Variants in LRRC7 observed in about 807,000 individuals in gnomAD.
LRRC7 encodes the protein leucine rich repeat containing 7.
A neutral mutation model predicts 175.7 loss-of-function variants in LRRC7; 23 were observed. The observed-to-expected ratio is 0.13, with a 90% CI of 0.09 to 0.19. The LOEUF (loss-of-function observed/expected upper bound fraction) is 0.19, where lower values mean the gene tolerates loss of function less well. LRRC7 is among the 10% of genes least tolerant of loss of function. The pLI is 1.00. For synonymous variants in LRRC7, 685 were observed against 680.9 expected, an observed-to-expected ratio of 1.01 and a Z score of -0.09; for missense variants, 1,354 against 1,904.7, an observed-to-expected ratio of 0.71 and a Z score of 5.38.
rs1471270919 is a variant in LRRC7 at position 70,133,318 on chromosome 1, T to TTCCTC, written c.*11431_*11432insTCCTC. ...TCACTGCAACCTCCACCTCCTGGGT[T>TTCCTC]CAAACGATTTTCCTGCCTCAGCCTC... On this transcript the variant is annotated 3_prime_UTR_variant, in exon 27 of 27. Coordinates refer to ENST00000651989, the MANE Select transcript of LRRC7 (RefSeq NM_001370785.2). Among the ~76,000 whole-genome samples the TTCCTC allele has an allele frequency of 6.6e-6, 1 of 152,080 alleles. No homozygotes were observed. Among genetic ancestry groups the TTCCTC allele is most frequent in the Non-Finnish European group, 1.5e-5 (1 of 68,014 alleles).
chr1:69,944,631 A>C (rs1354762481), intron 8 of LRRC7, among the ~76,000 whole-genome samples: 2 of 152,086 alleles, frequency 1.3e-5, no homozygotes, highest in Non-Finnish European at 2.9e-5. Context: ...CCAACAGTAC[A>C]TAAGAGTTCC....
chr1:69,820,037 A>G (rs1679092152), intron 4 of LRRC7, among the ~76,000 whole-genome samples: 1 of 152,008 alleles, frequency 6.6e-6, no homozygotes, highest in African/African-American at 2.4e-5. Flanking sequence ...TAAAATAATT[A>G]TTGATAGGTA....
chr1:69,868,922 C>CATATATATATATATATACATATGTACAT (rs141732988), intron 7 of LRRC7, among the ~76,000 whole-genome samples: 1 of 148,544 alleles, frequency 6.7e-6, no homozygotes, highest in African/African-American at 2.5e-5. Flanking sequence ...TACATATGTA[C>CATATATATATATATATACATATGTACAT]ATATATATAT....
At chr1:69,904,319 T>G (rs1168161515) in intron 7 of LRRC7, among the ~76,000 whole-genome samples, 1 of 152,108 alleles carries the variant, frequency 6.6e-6, no homozygotes, top group East Asian at 1.9e-4. Context: ...AGAATACTAA[T>G]TTGAAAAATG....
chr1:69,886,218 A>G (rs1392690105), intron 7 of LRRC7, among the ~76,000 whole-genome samples: 1 of 151,952 alleles, frequency 6.6e-6, no homozygotes, highest in Non-Finnish European at 1.5e-5. Context: ...ACAGTGGGGT[A>G]TTAAAGTCTC....
chr1:69,971,118 G>T (rs1219516275), intron 8 of LRRC7, among the ~76,000 whole-genome samples: 1 of 151,972 alleles, frequency 6.6e-6, no homozygotes, highest in Non-Finnish European at 1.5e-5. Flanking sequence ...AGCATACAAG[G>T]ACATACCTCA....
At chr1:69,574,948 A>G (rs183763923) in intron 1 of LRRC7, among the ~76,000 whole-genome samples, 2 of 152,328 alleles carry the variant, frequency 1.3e-5, no homozygotes, top group Admixed American at 1.3e-4. Flanking sequence ...AGTGTTAAAT[A>G]TTAGCGAAGT....
intron 1 of LRRC7, among the ~76,000 whole-genome samples, chr1:69,643,697 A>G (rs1654575061): frequency 6.6e-6 from 1 of 151,980 alleles, no homozygotes; most frequent in African/African-American, 2.4e-5. Flanking sequence ...TGCTCTCTTT[A>G]CTCATCAGGC....
chr1:69,927,498 T>A (rs1647120694), intron 7 of LRRC7, among the ~76,000 whole-genome samples: 1 of 152,338 alleles, frequency 6.6e-6, no homozygotes, highest in South Asian at 2.1e-4. Flanking sequence ...TTGGAGGCTT[T>A]GTTCATTTCT....
intron 2 of LRRC7, among the ~76,000 whole-genome samples, chr1:69,718,128 A>AGAAAAGAG (rs1553146102): frequency 2.2e-4 from 15 of 67,828 alleles, no homozygotes; most frequent in Non-Finnish European, 2.1e-4. Context: ...AAAGAAAGAA[A>AGAAAAGAG]AGAAAGAAAG....
chr1:69,798,739 C>T lies in LRRC7; in HGVS notation c.421+6579C>T, dbSNP rs571984341. Among the ~76,000 whole-genome samples, 14 of 152,206 alleles carry T rather than the reference C, an allele frequency of 9.2e-5. No individual in the cohort carries two copies. In the East Asian group the frequency reaches 2.3e-3, roughly 25 times the overall value. Reference sequence around the variant, plus strand: ...CTCAGATTTAATGTCTTTAAAATTTCAGTGAAGTGCTACCACATTGTATAT... The same window carrying T: ...CTCAGATTTAATGTCTTTAAAATTTTAGTGAAGTGCTACCACATTGTATAT... On this transcript the variant is annotated intron_variant, in intron 4 of 26. Coordinates refer to ENST00000651989, the MANE Select transcript of LRRC7 (RefSeq NM_001370785.2).
chr1:69,905,247 T>A (rs886587097), intron 7 of LRRC7, among the ~76,000 whole-genome samples: 6 of 132,844 alleles, frequency 4.5e-5, no homozygotes, highest in Admixed American at 1.6e-4. Flanking sequence ...CTGTTGTAAG[T>A]TCTTTTTATT....
intron 23 of LRRC7, among the ~76,000 whole-genome samples, chr1:70,056,038 G>T (rs1661124154): frequency 6.6e-6 from 1 of 152,200 alleles, no homozygotes; most frequent in South Asian, 2.1e-4. Context: ...GTAATAGGTG[G>T]AATTGGAGGA....
In LRRC7 at chr1:69,893,250, A is replaced by G. The variant is rs142469075; in HGVS notation, c.648-38257A>G. On this transcript the variant is annotated intron_variant, in intron 7 of 26. Transcript: ENST00000651989. ...TTTAGCTATCAATTTTATTTTTCCA[A>G]CCTTTTAAAATCAAGGTGGTTTCTT... Among the ~76,000 whole-genome samples, 628 of 126,502 alleles carry G rather than the reference A, an allele frequency of 5.0e-3. 4 individuals are homozygous for G. Among genetic ancestry groups the G allele is most frequent in the African/African-American group, 0.014 (579 of 40,940 alleles). The allele number at this position is 126,502 out of a possible 152,430, so 83.0% of individuals were successfully genotyped here. A position where few individuals can be genotyped will look rare whatever the true frequency, so the allele number is the denominator to read the frequency against.
rs1650715307 is a variant in LRRC7 at position 69,622,138 on chromosome 1, GTGTGAC to G, written c.2+53501_2+53506del. Among the ~76,000 whole-genome samples, 6 of 152,184 alleles carry G rather than the reference GTGTGAC, an allele frequency of 3.9e-5. No individual in the cohort carries two copies. In the South Asian group the frequency reaches 1.2e-3, roughly 32 times the overall value. On this transcript the variant is annotated intron_variant, in intron 1 of 26. Transcript: ENST00000651989. Reference sequence around the variant, plus strand: ...CTTATACATAACAGCTTTTAATTCTGTGTGACTGTAGGTGAATATTATTTCTCCCCT... The same window carrying G: ...CTTATACATAACAGCTTTTAATTCTGTGTAGGTGAATATTATTTCTCCCCT...
At chr1:69,667,270 T>C (rs1179077335) in intron 1 of LRRC7, among the ~76,000 whole-genome samples, 4 of 152,196 alleles carry the variant, frequency 2.6e-5, no homozygotes, top group East Asian at 3.8e-4. Context: ...GAAAAGAATA[T>C]GTATTTTGTA....
At chr1:70,019,594 C>G (rs762856567) in intron 15 of LRRC7, among the ~76,000 whole-genome samples, 1 of 151,770 alleles carries the variant, frequency 6.6e-6, no homozygotes, top group African/African-American at 2.4e-5. Flanking sequence ...TAAAAGAAAC[C>G]ATTTGTTTAT....
At chr1:69,881,726 C>CA (rs1208655260) in intron 7 of LRRC7, among the ~76,000 whole-genome samples, 1 of 148,850 alleles carries the variant, frequency 6.7e-6, no homozygotes, top group East Asian at 2.0e-4. Flanking sequence ...AAAAAAAAAA[C>CA]AAAATTAACC....
At chr1:69,658,175 T>A (rs2100518249) in intron 1 of LRRC7, among the ~76,000 whole-genome samples, 1 of 152,096 alleles carries the variant, frequency 6.6e-6, no homozygotes, top group African/African-American at 2.4e-5. Context: ...ACTTCCTGTC[T>A]GTGTCATTTC....
Sources: gnomAD v4.1 joint callset for allele counts (sites outside exome capture counted in the v4.1 genomes callset) on GRCh38, gnomAD v4.1.1 for gene constraint, MANE v1.5 for transcripts, NCBI Gene and HGNC (gene_info 2026-07-23, HGNC 2026-07-21) for gene names.